Variants in LRRTM4 observed in about 807,000 individuals in gnomAD.
The protein encoded by LRRTM4 is leucine-rich repeat transmembrane neuronal protein 4.
LRRTM4 carries 25 observed loss-of-function variants against 47.6 expected under a neutral mutation model. That is an observed-to-expected ratio of 0.53 (90% CI 0.38 to 0.73). The LOEUF (loss-of-function observed/expected upper bound fraction) is 0.73. Ranked by LOEUF, LRRTM4 falls within the 30% of genes least tolerant of loss-of-function variation. LRRTM4 has a pLI of 0.00. For missense variants in LRRTM4, 638 were observed against 713.4 expected (o/e 0.89, Z 1.20); for synonymous variants, 311 against 269.5 (o/e 1.15, Z -1.51).
In LRRTM4 at chr2:77,430,721, CA is replaced by C. The variant is rs59430158; in HGVS notation, c.1551+87596del. On this transcript the variant is annotated intron_variant, in intron 3 of 3. Transcript: ENST00000409884. ...GGGCAACAAGAGTGAAACTCTGTCT[CA>C]AAAAAAAAAAAAGAAAAAAGAAAAG... Among the ~76,000 whole-genome samples, 146 of 122,228 alleles carry C rather than the reference CA, an allele frequency of 1.2e-3. 2 individuals carry two copies. Among genetic ancestry groups the C allele is most frequent in the Non-Finnish European group, 1.1e-3 (69 of 60,384 alleles). The allele number at this position is 122,228 out of a possible 152,430, so 80.2% of individuals were successfully genotyped here. A position where few individuals can be genotyped will look rare whatever the true frequency, so the allele number is the denominator to read the frequency against.
intron 3 of LRRTM4, among the ~76,000 whole-genome samples, chr2:77,445,194 G>A (rs78307551): frequency 0.016 from 2,443 of 152,006 alleles, 24 homozygotes; most frequent in Non-Finnish European, 0.023. Flanking sequence ...CCTAAGGCCT[G>A]GACAAGCTAC....
chr2:76,993,301 A>AT (rs1677079012), intron 3 of LRRTM4, among the ~76,000 whole-genome samples: 1 of 151,950 alleles, frequency 6.6e-6, no homozygotes. Flanking sequence ...TTTGCACAGG[A>AT]TAAAAAAAGC....
chr2:77,201,076 G>C lies in LRRTM4; in HGVS notation c.1551+317242C>G, dbSNP rs1324360537. Among the ~76,000 whole-genome samples, 48 of 152,176 alleles carry C rather than the reference G, an allele frequency of 3.2e-4. 1 individual carries two copies. Among genetic ancestry groups the C allele is most frequent in the Admixed American group, 3.1e-3 (48 of 15,256 alleles). On this transcript the variant is annotated intron_variant, in intron 3 of 3. Transcript: ENST00000409884. ...TTTCATCAAAACAATGATTTCAGGA[G>C]GGGATTCTCCTTTATACTGTCATGA...
rs1338279139 is a variant in LRRTM4 at position 77,089,160 on chromosome 2, T to TA, written c.1552-340245dup. Among the ~76,000 whole-genome samples the TA allele has an allele frequency of 4.6e-5, 7 of 152,094 alleles. 1 individual carries two copies. The East Asian group carries it at 9.7e-4, about 21-fold the overall frequency. ...CCCGCTTTTCTGGGGAAGGGGCAAATACCCCAACCCCTTCTCTCCTTGTCT... is the reference window on the plus strand; with the variant it reads ...CCCGCTTTTCTGGGGAAGGGGCAAATAACCCCAACCCCTTCTCTCCTTGTCT... On this transcript the variant is annotated intron_variant, in intron 3 of 3. Transcript: ENST00000409884.
intron 3 of LRRTM4, among the ~76,000 whole-genome samples, chr2:76,832,405 T>C (rs79738059): frequency 0.03 from 4,525 of 151,574 alleles, 216 homozygotes; most frequent in African/African-American, 0.09. Flanking sequence ...ATGCTGTGAT[T>C]TCCTGAAGTC....
intron 3 of LRRTM4, among the ~76,000 whole-genome samples, chr2:76,946,218 A>C (rs1220993844): frequency 1.3e-5 from 2 of 151,936 alleles, no homozygotes; most frequent in African/African-American, 4.8e-5. Flanking sequence ...GACATAATAT[A>C]AATATGCATT....
chr2:77,150,422 T>C (rs1345904065), intron 3 of LRRTM4, among the ~76,000 whole-genome samples: 2 of 152,166 alleles, frequency 1.3e-5, no homozygotes, highest in Non-Finnish European at 2.9e-5. Context: ...ATACTGTATC[T>C]GCTATACTGT....
In LRRTM4 at chr2:77,051,289, A is replaced by G. The variant is rs962870030; in HGVS notation, c.1552-302373T>C. On this transcript the variant is annotated intron_variant, in intron 3 of 3. Transcript: ENST00000409884. ...AAACCCTGCACTAGAGATATTTACCATGAGAAACTAAAGAATTACTGTTAG... is the reference window on the plus strand; with the variant it reads ...AAACCCTGCACTAGAGATATTTACCGTGAGAAACTAAAGAATTACTGTTAG... Among the ~76,000 whole-genome samples, 6 of 152,136 alleles carry G rather than the reference A, an allele frequency of 3.9e-5. No individual in the cohort carries two copies. In the East Asian group the frequency reaches 1.2e-3, roughly 29 times the overall value.
intron 3 of LRRTM4, among the ~76,000 whole-genome samples, chr2:76,965,660 T>C (rs1676001236): frequency 6.6e-6 from 1 of 151,356 alleles, no homozygotes. Flanking sequence ...TGAATTCACA[T>C]TGAGTAATTC....
chr2:77,360,552 A>ACAAT (rs1558706375), intron 3 of LRRTM4, among the ~76,000 whole-genome samples: 3 of 81,604 alleles, frequency 3.7e-5, no homozygotes, highest in Admixed American at 1.1e-4. Flanking sequence ...AATCATTCAT[A>ACAAT]CATACATACA....
At chr2:77,173,798 T>G (rs1460479780) in intron 3 of LRRTM4, among the ~76,000 whole-genome samples, 2 of 152,088 alleles carry the variant, frequency 1.3e-5, no homozygotes, top group African/African-American at 4.8e-5. Flanking sequence ...CATCAGCCCC[T>G]TCCCCCAAGA....
intron 3 of LRRTM4, among the ~76,000 whole-genome samples, chr2:76,808,981 G>A (rs1043906323): frequency 4.6e-5 from 7 of 152,104 alleles, no homozygotes; most frequent in Non-Finnish European, 7.4e-5. Flanking sequence ...TTTGTCAGAT[G>A]CTTAGAGTGA....
At chr2:77,040,753 A>G (rs937697906) in intron 3 of LRRTM4, among the ~76,000 whole-genome samples, 4 of 151,470 alleles carry the variant, frequency 2.6e-5, no homozygotes, top group African/African-American at 7.3e-5. Context: ...TCTGGAGAAG[A>G]GAAACTGCTT....
chr2:77,425,006 C>G (rs1454035815), intron 3 of LRRTM4, among the ~76,000 whole-genome samples: 1 of 152,098 alleles, frequency 6.6e-6, no homozygotes, highest in Non-Finnish European at 1.5e-5. Flanking sequence ...GCGGCAGACT[C>G]TTGAGGATGA....
chr2:76,867,711 G>C (rs1305084189), intron 3 of LRRTM4, among the ~76,000 whole-genome samples: 4 of 152,140 alleles, frequency 2.6e-5, no homozygotes, highest in Non-Finnish European at 2.9e-5. Context: ...TATAGAATCA[G>C]TAACTTAACC....
chr2:77,338,600 C>A (rs544777259), intron 3 of LRRTM4, among the ~76,000 whole-genome samples: 16 of 151,858 alleles, frequency 1.1e-4, no homozygotes, highest in Admixed American at 7.9e-4. Context: ...AAACAGAAAA[C>A]AGATGTTGAT....
intron 3 of LRRTM4, among the ~76,000 whole-genome samples, chr2:77,155,582 C>T (rs1236042955): frequency 6.6e-6 from 1 of 151,628 alleles, no homozygotes; most frequent in Non-Finnish European, 1.5e-5. Flanking sequence ...TATCTTTTAA[C>T]ACATAACTTA....
At chr2:76,881,910 T>C (rs1329588662) in intron 3 of LRRTM4, among the ~76,000 whole-genome samples, 1 of 152,194 alleles carries the variant, frequency 6.6e-6, no homozygotes, top group Non-Finnish European at 1.5e-5. Flanking sequence ...AACTGTATTT[T>C]TGTGTCAGAA....
intron 3 of LRRTM4, among the ~76,000 whole-genome samples, chr2:77,387,328 T>C (rs1182545440): frequency 1.3e-5 from 2 of 152,150 alleles, no homozygotes; most frequent in Non-Finnish European, 2.9e-5. Flanking sequence ...AGTTTTTGTT[T>C]GCTTGTTTTT....
Sources: gnomAD v4.1 joint callset for allele counts (sites outside exome capture counted in the v4.1 genomes callset) on GRCh38, gnomAD v4.1.1 for gene constraint, MANE v1.5 for transcripts, NCBI Gene and HGNC (gene_info 2026-07-23, HGNC 2026-07-21) for gene names.